Variants in DCC observed in about 807,000 individuals in gnomAD.
DCC encodes the protein netrin receptor DCC.
Under a neutral mutation model 172.5 loss-of-function variants are expected in DCC, and 58 were observed. That is an observed-to-expected ratio of 0.34 (90% CI 0.27 to 0.42). DCC has a LOEUF of 0.42. Ranked by LOEUF, DCC falls within the 10% of genes least tolerant of loss-of-function variation. The pLI is 1.00. For synonymous variants in DCC, 709 were observed against 644.5 expected, an observed-to-expected ratio of 1.10 and a Z score of -1.52; for missense variants, 1,740 against 1,791.0, an observed-to-expected ratio of 0.97 and a Z score of 0.51.
intron 12 of DCC, among the ~76,000 whole-genome samples, chr18:53,217,163 G>A (rs6508209): frequency 0.55 from 84,007 of 151,506 alleles, 24,652 homozygotes; most frequent in African/African-American, 0.71. Flanking sequence ...AACGTGTATA[G>A]GGCATTACTG....
chr18:52,467,645 T>A (rs200643186), intron 1 of DCC, among the ~76,000 whole-genome samples: 31,150 of 152,056 alleles, frequency 0.2, 4,014 homozygotes, highest in Non-Finnish European at 0.29. Context: ...AATGGTTAAA[T>A]TAATTTACAT....
chr18:52,417,303 C>A (rs547364918), intron 1 of DCC, among the ~76,000 whole-genome samples: 1 of 152,100 alleles, frequency 6.6e-6, no homozygotes, highest in South Asian at 2.1e-4. Context: ...CTGCCCTTAA[C>A]GTTTTTTCCT....
chr18:53,301,062 C>T (rs2057135018), intron 12 of DCC, among the ~76,000 whole-genome samples: 1 of 136,074 alleles, frequency 7.3e-6, no homozygotes, highest in East Asian at 2.1e-4. Flanking sequence ...CTGTCCTTTC[C>T]TCTCCTTTCC....
intron 27 of DCC, among the ~76,000 whole-genome samples, chr18:53,516,285 A>G: frequency 6.7e-6 from 1 of 149,484 alleles, no homozygotes; most frequent in African/African-American, 2.5e-5. Flanking sequence ...CTTACACCTT[A>G]TACAAAAATC....
chr18:52,416,426 C>A (rs1458922777), intron 1 of DCC, among the ~76,000 whole-genome samples: 4 of 152,130 alleles, frequency 2.6e-5, no homozygotes, highest in African/African-American at 9.6e-5. Context: ...CCTGGGTGTT[C>A]TTGTTAACTT....
chr18:53,023,078 C>G (rs188176250), intron 5 of DCC, among the ~76,000 whole-genome samples: 4 of 151,932 alleles, frequency 2.6e-5, no homozygotes, highest in Admixed American at 1.3e-4. Flanking sequence ...TTTGAAGAGT[C>G]CAATTGAATT....
intron 5 of DCC, among the ~76,000 whole-genome samples, chr18:53,010,263 T>C (rs1006122137): frequency 6.6e-6 from 1 of 151,956 alleles, no homozygotes; most frequent in African/African-American, 2.4e-5. Flanking sequence ...ATAATTAAAA[T>C]GCCCACGCTT....
chr18:52,392,742 C>CA (rs1365722209), intron 1 of DCC, among the ~76,000 whole-genome samples: 4 of 151,852 alleles, frequency 2.6e-5, no homozygotes, highest in African/African-American at 9.7e-5. Context: ...CCTGTCTACT[C>CA]AAAAAATGCA....
chr18:53,486,776 A>G, intron 25 of DCC, 21 bp from the exon 26 acceptor site: 1 of 1,614,124 alleles, frequency 6.2e-7, no homozygotes, highest in Non-Finnish European at 8.5e-7. Flanking sequence ...CAAAAAACCC[A>G]TTAACCTTTT....
rs2055193328 is a variant in DCC, at chr18:53,181,364, A to C, written c.1573+2248A>C. Among the ~76,000 whole-genome samples the C allele has an allele frequency of 4.6e-5, 7 of 151,448 alleles. No homozygotes were observed. In the South Asian group the frequency reaches 1.5e-3, roughly 31 times the overall value. ...CCCTTGATCAATACTATTGTTTCTA[A>C]GCATTCAACTTAAGAAAGCAATTTT... is the stretch of plus-strand genomic sequence containing the variant. On this transcript the variant is annotated intron_variant, in intron 9 of 28. Transcript: ENST00000442544.
intron 1 of DCC, among the ~76,000 whole-genome samples, chr18:52,511,197 C>A (rs1349595099): frequency 2.0e-5 from 3 of 149,522 alleles, no homozygotes; most frequent in Non-Finnish European, 4.4e-5. Flanking sequence ...AGGGGAATCG[C>A]TTCAACCTGG....
chr18:53,411,694 A>T (rs1909999168), intron 20 of DCC, among the ~76,000 whole-genome samples: 1 of 152,114 alleles, frequency 6.6e-6, no homozygotes, highest in African/African-American at 2.4e-5. Flanking sequence ...GCTAATCTGA[A>T]AATTTGCCAA....
intron 1 of DCC, among the ~76,000 whole-genome samples, chr18:52,344,175 T>C (rs1163853074): frequency 6.6e-6 from 1 of 152,228 alleles, no homozygotes; most frequent in Non-Finnish European, 1.5e-5. Flanking sequence ...CAAGTTAACC[T>C]CTTAGCAAAC....
chr18:52,412,644 C>T (rs908957550), intron 1 of DCC, among the ~76,000 whole-genome samples: 1 of 151,956 alleles, frequency 6.6e-6, no homozygotes, highest in Non-Finnish European at 1.5e-5. Flanking sequence ...CTAATTGAAC[C>T]AAGGCTTGTG....
intron 11 of DCC, among the ~76,000 whole-genome samples, chr18:53,210,899 T>A (rs778794842): frequency 6.6e-6 from 1 of 152,176 alleles, no homozygotes; most frequent in Non-Finnish European, 1.5e-5. Context: ...AGTAGAAACC[T>A]TATTTTTTAT....
intron 12 of DCC, among the ~76,000 whole-genome samples, chr18:53,278,385 A>G (rs1349635356): frequency 6.6e-6 from 1 of 152,052 alleles, no homozygotes; most frequent in African/African-American, 2.4e-5. Flanking sequence ...TGGTTTCTAG[A>G]TGTGGGAAAT....
chr18:52,590,004 T>TA (rs796530952), intron 1 of DCC, among the ~76,000 whole-genome samples: 7 of 151,768 alleles, frequency 4.6e-5, no homozygotes, highest in South Asian at 4.2e-4. Flanking sequence ...TGCTTTTTTT[T>TA]AAAAAAAGAT....
intron 1 of DCC, among the ~76,000 whole-genome samples, chr18:52,652,740 G>GTGTGT (rs1568276051): frequency 6.6e-6 from 1 of 151,338 alleles, no homozygotes; most frequent in African/African-American, 2.4e-5. Flanking sequence ...GTGTGTGTGT[G>GTGTGT]GGTGGAGGAG....
chr18:53,302,881 T>C (rs556373616), intron 12 of DCC, among the ~76,000 whole-genome samples: 2 of 152,304 alleles, frequency 1.3e-5, no homozygotes, highest in African/African-American at 4.8e-5. Flanking sequence ...TTCTGGAAAC[T>C]TGTGGATCCC....
Sources: gnomAD v4.1 joint callset for allele counts (sites outside exome capture counted in the v4.1 genomes callset) on GRCh38, gnomAD v4.1.1 for gene constraint, MANE v1.5 for transcripts, NCBI Gene and HGNC (gene_info 2026-07-23, HGNC 2026-07-21) for gene names.